The following DMTF1 variants were observed in gnomAD, a reference collection of about 807,000 sequenced individuals.
DMTF1 encodes cyclin D binding myb like transcription factor 1.
In DMTF1, 39 loss-of-function variants were observed where a neutral mutation model predicts 91.1. That is an observed-to-expected ratio of 0.43 (90% confidence interval 0.33 to 0.56). DMTF1 has a LOEUF of 0.56. Ranked by LOEUF, DMTF1 falls within the 20% of genes least tolerant of loss-of-function variation. DMTF1 has a pLI of 0.05. For synonymous variants in DMTF1, 338 were observed against 309.5 expected (o/e 1.09, Z -0.97); for missense variants, 750 against 914.5 (o/e 0.82, Z 2.32).
intron 1 of DMTF1, among the ~76,000 whole-genome samples, chr7:87,158,073 CTA>C (rs1791245372): frequency 1.3e-5 from 2 of 152,012 alleles, no homozygotes; most frequent in Admixed American, 6.6e-5. Flanking sequence ...ATAAATAAAA[CTA>C]TCAACTTTTG....
intron 1 of DMTF1, among the ~76,000 whole-genome samples, chr7:87,158,545 A>G (rs890865301): frequency 1.3e-5 from 2 of 152,076 alleles, no homozygotes; most frequent in African/African-American, 2.4e-5. Flanking sequence ...TTTAAGAGTT[A>G]TAATAATTTT....
chr7:87,194,684 G>A lies in DMTF1; in HGVS notation c.2029G>A (p.Gly677Ser). Residue 677 changes from glycine (G) to serine (S), a missense_variant and splice_region_variant, in exon 17 of 18, where the codon GGT becomes AGT. Coordinates refer to ENST00000331242, the MANE Select transcript of DMTF1 (RefSeq NM_001142327.2). ...SDLASAYVTE[G>S]LESPTIEEQV... The stretch of plus-strand genomic sequence containing the variant: ...ATATTTTTTTTTTAATGTTATTTAG[G>A]GTTTAGAGTCTCCCACTATAGAAGA... 6.2e-7 allele frequency: 1 copy of A among 1,600,760 alleles called. No homozygotes were observed.
intron 5 of DMTF1, 47 bp from the exon 6 acceptor site, chr7:87,173,488 T>TTTTTG (rs201859268): frequency 0.024 from 30,244 of 1,280,718 alleles, 573 homozygotes; most frequent in East Asian, 0.053. Flanking sequence ...AGCTGCCATT[T>TTTTTG]TTTTGTTTTG....
intron 12 of DMTF1, 38 bp from the exon 13 acceptor site, chr7:87,188,054 A>C: frequency 1.3e-6 from 2 of 1,562,316 alleles, no homozygotes; most frequent in Non-Finnish European, 1.8e-6. Flanking sequence ...GGTCTGTCGG[A>C]GAATCAATGT....
intron 1 of DMTF1, among the ~76,000 whole-genome samples, chr7:87,153,854 C>A (rs1789982689): frequency 6.6e-6 from 1 of 152,154 alleles, no homozygotes; most frequent in Non-Finnish European, 1.5e-5. Flanking sequence ...AAATATTCTT[C>A]CACTATGTTG....
chr7:87,179,407 T>G, intron 7 of DMTF1, 138 bp from the exon 8 acceptor site: 1 of 589,354 alleles, frequency 1.7e-6, no homozygotes. Flanking sequence ...TTATATTTGA[T>G]TTATTAATGA....
chr7:87,181,075 C>T (rs1289601923), intron 8 of DMTF1: 6 of 246,570 alleles, frequency 2.4e-5, no homozygotes, highest in Non-Finnish European at 4.8e-5. Context: ...GTCTCGAACT[C>T]CTTGCCTCAA....
chr7:87,166,344 T>G (rs1793820830), intron 3 of DMTF1, 139 bp from the exon 4 acceptor site: 1 of 772,174 alleles, frequency 1.3e-6, no homozygotes, highest in Non-Finnish European at 2.0e-6. Flanking sequence ...TGAATCCTGT[T>G]TGCACAACTA....
intron 13 of DMTF1, among the ~76,000 whole-genome samples, 195 bp from the exon 14 acceptor site, chr7:87,190,750 T>TGC (rs1799557965): frequency 1.3e-5 from 2 of 152,088 alleles, no homozygotes; most frequent in African/African-American, 4.8e-5. Context: ...AGCCCACCCC[T>TGC]GCACTATATG....
Position 87,179,691 on chromosome 7 carries a change from C to T in DMTF1, c.666C>T (p.Asn222=), listed in dbSNP as rs1420157852. Residue 222 remains asparagine, a synonymous_variant, in exon 8 of 18, where the codon AAC becomes AAT. Coordinates refer to ENST00000331242, the MANE Select transcript of DMTF1 (RefSeq NM_001142327.2). ...RRVLRMYDDR[N]HVGKYTPEEI... ...TGCTTCGCATGTATGATGACAGAAA[C>T]CATGTGGGAAAGTATGAGAACTTGT... 1.3e-6 allele frequency: 2 copies of T among 1,573,432 alleles called. No homozygotes were observed. The highest frequency in any genetic ancestry group is 4.0e-5 in the Admixed American group (2 of 50,548).
At chr7:87,167,852 A>G (rs1032967006) in intron 4 of DMTF1, among the ~76,000 whole-genome samples, 1 of 152,188 alleles carries the variant, frequency 6.6e-6, no homozygotes, top group African/African-American at 2.4e-5. Context: ...TACAGATGTA[A>G]TCCTAAATAT....
chr7:87,193,615 G>T, intron 15 of DMTF1, 110 bp from the exon 16 acceptor site: 2 of 1,107,888 alleles, frequency 1.8e-6, no homozygotes, highest in South Asian at 3.1e-5. Flanking sequence ...GAAAAATAGT[G>T]ATAAAAGTAT....
At chr7:87,173,485 A>G (rs1377243019) in intron 5 of DMTF1, 50 bp from the exon 6 acceptor site, 1 of 1,248,376 alleles carries the variant, frequency 8.0e-7, no homozygotes, top group Non-Finnish European at 1.1e-6. Context: ...TCAAGCTGCC[A>G]TTTTTTTGTT....
intron 13 of DMTF1, among the ~76,000 whole-genome samples, chr7:87,188,623 A>C (rs1044550115): frequency 2.0e-5 from 3 of 152,190 alleles, no homozygotes; most frequent in African/African-American, 7.2e-5. Context: ...AAAAGCAGTC[A>C]ATCAAGCAAA....
At chr7:87,186,213 C>T (rs773798581) in intron 12 of DMTF1, 44 of 464,752 alleles carry the variant, frequency 9.5e-5, no homozygotes, top group South Asian at 1.7e-4. Flanking sequence ...TGTTCTTCTA[C>T]GTAAACTATC....
Position 87,184,617 on chromosome 7 carries a change from C to T in DMTF1, c.1041C>T (p.Leu347=). 6.2e-7 allele frequency: 1 copy of T among 1,613,290 alleles called. No homozygotes were observed. The highest frequency in any genetic ancestry group is 8.5e-7 in the Non-Finnish European group (1 of 1,179,374). The change falls in exon 11 of 18, where the codon CTC becomes CTT. Residue 347 remains leucine, a synonymous_variant. Coordinates refer to ENST00000331242, the MANE Select transcript of DMTF1 (RefSeq NM_001142327.2). ...TEWTKEDEIN[L]ILRIAELDVA... ...GGACCAAGGAAGATGAAATCAATCTCATCCTCAGGTTTGTGTCCTGAATCT... is the reference window on the plus strand; with the variant it reads ...GGACCAAGGAAGATGAAATCAATCTTATCCTCAGGTTTGTGTCCTGAATCT...
chr7:87,153,924 A>G (rs1030827129), intron 1 of DMTF1, among the ~76,000 whole-genome samples: 1 of 152,108 alleles, frequency 6.6e-6, no homozygotes, highest in African/African-American at 2.4e-5. Context: ...CATTACTTCA[A>G]ATTTCTTTAA....
intron 4 of DMTF1, among the ~76,000 whole-genome samples, chr7:87,166,883 A>C (rs1470186728): frequency 6.6e-6 from 1 of 152,120 alleles, no homozygotes; most frequent in African/African-American, 2.4e-5. Flanking sequence ...CTTTTCATGA[A>C]AATTACAAAA....
At chr7:87,175,007 T>TGTTTA (rs1584336615) in intron 7 of DMTF1, among the ~76,000 whole-genome samples, 2 of 151,548 alleles carry the variant, frequency 1.3e-5, no homozygotes, top group East Asian at 3.9e-4. Flanking sequence ...ATCTTTGTTT[T>TGTTTA]GTTTTGTTTT....
Sources: gnomAD v4.1 joint callset for allele counts (sites outside exome capture counted in the v4.1 genomes callset) on GRCh38, gnomAD v4.1.1 for gene constraint, MANE v1.5 for transcripts, NCBI Gene and HGNC (gene_info 2026-07-23, HGNC 2026-07-21) for gene names.